The following UBTD1 variants were observed in gnomAD, a reference collection of about 807,000 sequenced individuals.
The protein encoded by UBTD1 is ubiquitin domain containing 1.
A neutral mutation model predicts 21.7 loss-of-function variants in UBTD1; 19 were observed. That is an observed-to-expected ratio of 0.87 (90% CI 0.61 to 1.28). The LOEUF (loss-of-function observed/expected upper bound fraction) is 1.28. UBTD1 is among the 50% of genes most tolerant of loss of function. The probability of loss-of-function intolerance (pLI) is 0.00; values close to 1 mark genes in which losing one functional copy is unlikely to be tolerated. For missense variants in UBTD1, 282 were observed against 315.1 expected (o/e 0.89, Z 0.80); for synonymous variants, 116 against 135.1 (o/e 0.86, Z 0.98).
At chr10:97,529,599 CA>C (rs11362598) in intron 1 of UBTD1, among the ~76,000 whole-genome samples, 135,657 of 150,082 alleles carry the variant, frequency 0.9, 62,344 homozygotes, top group East Asian at 0.98. Flanking sequence ...CCGTCTCCAC[CA>C]AAAAAAAAAC....
At position 97,499,353 on chromosome 10, in the gene UBTD1, G is replaced by A; in HGVS notation, c.70+80G>A. ...TCGCCCGAGTCCTGGGCTTACCGAT[G>A]GACTCCCCACTGGTGCTGGCGCTTG... On this transcript the variant is annotated intron_variant, in intron 1 of 2. Transcript: ENST00000370664. The A allele has an allele frequency of 2.7e-6, 4 of 1,466,422 alleles. No homozygotes were observed. The South Asian group carries it at 5.3e-5, about 19-fold the overall frequency. The allele number at this position is 1,466,422 out of a possible 1,614,324, so 90.8% of individuals were successfully genotyped here.
intron 1 of UBTD1, among the ~76,000 whole-genome samples, chr10:97,532,422 G>C (rs1346267633): frequency 6.6e-6 from 1 of 152,172 alleles, no homozygotes; most frequent in Non-Finnish European, 1.5e-5. Context: ...GAGGCAGGCG[G>C]ATCTCCCGAG....
chr10:97,499,068 T>C lies in UBTD1; in HGVS notation c.-136T>C. The stretch of plus-strand genomic sequence containing the variant: ...GTTTTGGCGGAGCCATCGCTGGGGC[T>C]GAGCGCGCCCCCGGGGGGAGATCGG... On this transcript the variant is annotated 5_prime_UTR_variant, in exon 1 of 3. Coordinates refer to ENST00000370664, the MANE Select transcript of UBTD1 (RefSeq NM_024954.5). 3 of 1,002,502 alleles carry C rather than the reference T, an allele frequency of 3.0e-6. No individual in the cohort carries two copies. The highest frequency in any genetic ancestry group is 2.8e-6 in the Non-Finnish European group (2 of 711,142). 62.1% of individuals were successfully genotyped at this position (1,002,502 alleles called of 1,614,324 possible). A position where few individuals can be genotyped will look rare whatever the true frequency, so the allele number is the denominator to read the frequency against.
chr10:97,526,670 G>T (rs772840709), intron 1 of UBTD1, among the ~76,000 whole-genome samples: 2 of 151,886 alleles, frequency 1.3e-5, no homozygotes, highest in Non-Finnish European at 2.9e-5. Context: ...GGCCAACATG[G>T]TGAAACCCCA....
At chr10:97,526,372 T>A (rs941891735) in intron 1 of UBTD1, among the ~76,000 whole-genome samples, 3 of 152,214 alleles carry the variant, frequency 2.0e-5, no homozygotes, top group Non-Finnish European at 2.9e-5. Context: ...GCACTAAGAC[T>A]TTGATTCTAG....
chr10:97,514,976 CAT>C (rs1169481329), intron 1 of UBTD1, among the ~76,000 whole-genome samples: 16 of 152,176 alleles, frequency 1.1e-4, no homozygotes, highest in African/African-American at 3.9e-4. Context: ...TAGGATCTGG[CAT>C]AAATAACGCA....
chr10:97,518,256 G>A (rs1015432244), intron 1 of UBTD1, among the ~76,000 whole-genome samples: 2 of 152,176 alleles, frequency 1.3e-5, no homozygotes, highest in African/African-American at 4.8e-5. Flanking sequence ...AGGACCTGAG[G>A]TCAACAGGGG....
At chr10:97,562,972 G>A (rs180999656) in intron 1 of UBTD1, among the ~76,000 whole-genome samples, 12 of 152,248 alleles carry the variant, frequency 7.9e-5, no homozygotes, top group Admixed American at 3.3e-4. Flanking sequence ...TGCTTCGGGC[G>A]GGATTAGGGG....
chr10:97,511,472 C>T (rs2040423008), intron 1 of UBTD1, among the ~76,000 whole-genome samples: 1 of 152,136 alleles, frequency 6.6e-6, no homozygotes, highest in African/African-American at 2.4e-5. Context: ...GATGTCACTG[C>T]CACTCATGAC....
intron 1 of UBTD1, among the ~76,000 whole-genome samples, chr10:97,553,188 A>G (rs771764342): frequency 6.6e-6 from 1 of 152,102 alleles, no homozygotes; most frequent in Non-Finnish European, 1.5e-5. Context: ...CTGGAGTGCA[A>G]TGGCATGATC....
intron 1 of UBTD1, among the ~76,000 whole-genome samples, chr10:97,508,647 A>G (rs563982810): frequency 1.2e-4 from 19 of 152,098 alleles, no homozygotes; most frequent in Admixed American, 2.0e-4. Context: ...AACTCCAAGG[A>G]CTATAGCCAC....
At chr10:97,542,901 C>G (rs756785130) in intron 1 of UBTD1, among the ~76,000 whole-genome samples, 2 of 152,240 alleles carry the variant, frequency 1.3e-5, no homozygotes, top group Non-Finnish European at 2.9e-5. Context: ...AAGCAGCCAG[C>G]CAGCTGGGCA....
chr10:97,528,924 G>A (rs2040509235), intron 1 of UBTD1, among the ~76,000 whole-genome samples: 2 of 150,846 alleles, frequency 1.3e-5, no homozygotes, highest in Admixed American at 6.6e-5. Context: ...CTCCTGGATG[G>A]GGCGGCTGGC....
In UBTD1 at chr10:97,570,276, G is replaced by C; in HGVS notation, c.437G>C (p.Arg146Pro). ...CCCCCCGAGCCTCCACCCAGCGTGC[G>C]CCGTGAGTTCCCGCTGAAGGTGCGC... ...LEPPEPPPSV[R>P]REFPLKVRLS... Residue 146 changes from arginine (R) to proline (P), a missense_variant, in exon 3 of 3, where the codon CGC (arginine) becomes CCC (proline). Physicochemically the swap from Arg to Pro is moderately radical, Grantham distance 103. Transcript: ENST00000370664. The surrounding 1 kb of genome is among the most constrained non-coding windows in gnomAD (Gnocchi z 6.6). The C allele has an allele frequency of 3.1e-6, 5 of 1,613,148 alleles. No homozygotes were observed. Among genetic ancestry groups the C allele is most frequent in the Non-Finnish European group, 4.2e-6 (5 of 1,179,988 alleles).
At chr10:97,541,598 G>A (rs551975750) in intron 1 of UBTD1, among the ~76,000 whole-genome samples, 105 of 152,252 alleles carry the variant, frequency 6.9e-4, no homozygotes, top group Middle Eastern at 3.4e-3. Flanking sequence ...CCTCACTGCA[G>A]TCCCTCTAGG....
chr10:97,551,081 C>CCCCAG (rs1314463472), intron 1 of UBTD1, among the ~76,000 whole-genome samples: 1 of 152,208 alleles, frequency 6.6e-6, no homozygotes, highest in Non-Finnish European at 1.5e-5. Context: ...CAAGTACATA[C>CCCCAG]CCCAGCCCAG....
At position 97,570,158 on chromosome 10, in the gene UBTD1, G is replaced by A. The variant is rs1276157009; in HGVS notation, c.319G>A (p.Asp107Asn). Residue 107 changes from aspartate to asparagine, a missense_variant, in exon 3 of 3, where the codon GAT becomes AAT. Coordinates refer to ENST00000370664, the MANE Select transcript of UBTD1 (RefSeq NM_024954.5). The surrounding 1 kb of genome is among the most constrained non-coding windows in gnomAD (Gnocchi z 6.6). ...LPHGTLCECY[D>N]ELGNRYQLPI... ...TACAGGCACCCTCTGTGAATGCTACGATGAGCTGGGCAATCGCTACCAGCT... is the reference window on the plus strand; with the variant it reads ...TACAGGCACCCTCTGTGAATGCTACAATGAGCTGGGCAATCGCTACCAGCT... 1.2e-6 allele frequency: 2 copies of A among 1,609,762 alleles called. No individual in the cohort carries two copies. The highest frequency in any genetic ancestry group is 1.1e-5 in the South Asian group (1 of 91,002).
chr10:97,536,071 T>G (rs1435018415), intron 1 of UBTD1, among the ~76,000 whole-genome samples: 1 of 151,450 alleles, frequency 6.6e-6, no homozygotes, highest in Non-Finnish European at 1.5e-5. Flanking sequence ...CAGCTCACTG[T>G]AACCTCCGCC....
intron 1 of UBTD1, among the ~76,000 whole-genome samples, chr10:97,499,997 C>A (rs557475951): frequency 6.6e-6 from 1 of 152,322 alleles, no homozygotes; most frequent in Admixed American, 6.5e-5. Context: ...GGGAAGAGGT[C>A]TGTCGGTCAT....
Sources: allele counts gnomAD v4.1 joint callset (sites outside exome capture counted in the v4.1 genomes callset), GRCh38; gene constraint gnomAD v4.1.1; non-coding constraint Gnocchi (gnomAD v3.1); transcripts MANE v1.5; gene names NCBI Gene and HGNC (gene_info 2026-07-23, HGNC 2026-07-21).